Variants in LIPC observed in about 807,000 individuals in gnomAD.
The protein encoded by LIPC is lipase C, hepatic type.
LIPC carries 44 observed loss-of-function variants against 50.7 expected under a neutral mutation model. That is an observed-to-expected ratio of 0.87 (90% CI 0.68 to 1.11). The LOEUF is 1.11. LIPC is among the 50% of genes most tolerant of loss of function. The pLI is 0.00. For synonymous variants in LIPC, 271 were observed against 256.4 expected (o/e 1.06, Z -0.54); for missense variants, 697 against 648.2 (o/e 1.08, Z -0.82).
intron 1 of LIPC, chr15:58,454,241 G>C (rs1376352472): frequency 6.6e-6 from 1 of 152,290 alleles, no homozygotes; most frequent in East Asian, 1.9e-4. Flanking sequence ...CAAGGCCACA[G>C]AGCAGCTGGC....
intron 1 of LIPC, among the ~76,000 whole-genome samples, chr15:58,475,393 C>T (rs1275007607): frequency 6.6e-6 from 1 of 152,240 alleles, no homozygotes; most frequent in East Asian, 1.9e-4. Context: ...CACCCAGGCC[C>T]TTCACCATCT....
chr15:58,466,577 G>T (rs1894572518), intron 1 of LIPC, among the ~76,000 whole-genome samples: 1 of 152,166 alleles, frequency 6.6e-6, no homozygotes, highest in African/African-American at 2.4e-5. Context: ...TAGCATCACA[G>T]GTAAGAAACA....
chr15:58,553,092 G>A lies in LIPC; in HGVS notation c.1051+4520G>A, dbSNP rs141871554. On this transcript the variant is annotated intron_variant, in intron 6 of 8. Coordinates refer to ENST00000299022, the MANE Select transcript of LIPC (RefSeq NM_000236.3). ...CTGCATTCACAGATGAGGAAATCGA[G>A]CCCCAGAAAGGCTATGTGGTCTCCA... 1.3e-3 allele frequency among the ~76,000 whole-genome samples: 204 copies of A among 152,256 alleles called. 1 individual carries two copies. The highest frequency in any genetic ancestry group is 4.7e-3 in the African/African-American group (194 of 41,552).
chr15:58,504,641 A>G (rs1481332902), intron 1 of LIPC, among the ~76,000 whole-genome samples: 1 of 152,206 alleles, frequency 6.6e-6, no homozygotes, highest in Non-Finnish European at 1.5e-5. Flanking sequence ...TTAAGAACAA[A>G]TTTGGATTTC....
At chr15:58,479,194 G>A (rs1365226099) in intron 1 of LIPC, among the ~76,000 whole-genome samples, 3 of 152,174 alleles carry the variant, frequency 2.0e-5, no homozygotes, top group Admixed American at 2.0e-4. Context: ...TGAATTGAAT[G>A]GCAATCTACT....
chr15:58,449,695 G>T (rs534429236), intron 1 of LIPC, among the ~76,000 whole-genome samples: 21 of 151,898 alleles, frequency 1.4e-4, no homozygotes, highest in Admixed American at 1.4e-3. Flanking sequence ...TTGCGCCACC[G>T]CACCCTGCTA....
intron 1 of LIPC, among the ~76,000 whole-genome samples, chr15:58,443,282 C>G (rs1893567634): frequency 6.6e-6 from 1 of 152,168 alleles, no homozygotes; most frequent in Non-Finnish European, 1.5e-5. Flanking sequence ...CACTACTTAT[C>G]AGAAGTTTCT....
chr15:58,527,501 T>G (rs964992055), intron 1 of LIPC, among the ~76,000 whole-genome samples: 1 of 152,162 alleles, frequency 6.6e-6, no homozygotes, highest in African/African-American at 2.4e-5. Flanking sequence ...AGCCTTTGAT[T>G]AAAATTCCCA....
At chr15:58,488,798 A>C (rs1366230829) in intron 1 of LIPC, among the ~76,000 whole-genome samples, 1 of 152,192 alleles carries the variant, frequency 6.6e-6, no homozygotes. Flanking sequence ...TGACCCAAAG[A>C]CCACTCCCAT....
intron 7 of LIPC, among the ~76,000 whole-genome samples, chr15:58,562,338 G>C (rs1173073691): frequency 2.0e-5 from 3 of 152,208 alleles, no homozygotes; most frequent in Non-Finnish European, 4.4e-5. Flanking sequence ...AGGTGGTGAG[G>C]GGCGGAGCAG....
At position 58,568,712 on chromosome 15, in the gene LIPC, T is replaced by C; in HGVS notation, c.1389-4T>C. The C allele has an allele frequency of 6.4e-7, 1 of 1,550,924 alleles. No individual in the cohort carries two copies. Among genetic ancestry groups the C allele is most frequent in the Non-Finnish European group, 8.9e-7 (1 of 1,123,622 alleles). ...GCTGTGTTTGCTTCCTGTTTTCTAT[T>C]CAGAATGACATTTTGTTCAGAAAAC... On this transcript the variant is annotated splice_polypyrimidine_tract_variant and splice_region_variant and intron_variant, in intron 8 of 8. Transcript: ENST00000299022.
intron 1 of LIPC, among the ~76,000 whole-genome samples, chr15:58,520,932 A>G (rs1400300573): frequency 1.3e-5 from 2 of 152,194 alleles, no homozygotes; most frequent in African/African-American, 4.8e-5. Flanking sequence ...AAAGGAAGGG[A>G]GGAGGGAGAA....
intron 1 of LIPC, among the ~76,000 whole-genome samples, chr15:58,441,478 A>G (rs1269294408): frequency 3.3e-5 from 5 of 152,256 alleles, no homozygotes; most frequent in African/African-American, 9.6e-5. Context: ...GTAGCCCTGT[A>G]AAGAATATTG....
chr15:58,521,134 G>A (rs1284835898), intron 1 of LIPC, among the ~76,000 whole-genome samples: 2 of 152,130 alleles, frequency 1.3e-5, no homozygotes, highest in Non-Finnish European at 2.9e-5. Context: ...GGGGACTGTG[G>A]GTGTGAGAAG....
intron 1 of LIPC, among the ~76,000 whole-genome samples, chr15:58,508,718 G>T (rs1379077441): frequency 1.4e-5 from 1 of 69,042 alleles, no homozygotes; most frequent in Non-Finnish European, 3.0e-5. Context: ...GTTCTCATTA[G>T]TCCCAGTTTT....
chr15:58,568,584 A>G (rs1441294532), intron 8 of LIPC, 132 bp from the exon 9 acceptor site: 8 of 668,470 alleles, frequency 1.2e-5, no homozygotes. Context: ...ATATTTGCGA[A>G]CATAAGAATC....
chr15:58,492,932 C>T (rs1057281572), intron 1 of LIPC, among the ~76,000 whole-genome samples: 9 of 152,148 alleles, frequency 5.9e-5, no homozygotes, highest in East Asian at 1.9e-4. Flanking sequence ...TATTTTCCCC[C>T]GTATGCCCCT....
chr15:58,472,847 A>C (rs746219625), intron 1 of LIPC, among the ~76,000 whole-genome samples: 1 of 152,170 alleles, frequency 6.6e-6, no homozygotes, highest in Non-Finnish European at 1.5e-5. Flanking sequence ...TTTACCAAGA[A>C]ACTGAGGCTT....
At chr15:58,436,926 G>GA (rs1213581607) in intron 1 of LIPC, 3 of 449,496 alleles carry the variant, frequency 6.7e-6, no homozygotes, top group Non-Finnish European at 1.3e-5. Context: ...GGAAGAAAAA[G>GA]AAAAAATATC....
Sources: gnomAD v4.1 joint callset for allele counts (sites outside exome capture counted in the v4.1 genomes callset) on GRCh38, gnomAD v4.1.1 for gene constraint, MANE v1.5 for transcripts, NCBI Gene and HGNC (gene_info 2026-07-23, HGNC 2026-07-21) for gene names.